KLHL29: variants seen among roughly 807,000 people sequenced by gnomAD.
KLHL29 encodes kelch-like protein 29.
Under a neutral mutation model 80.4 loss-of-function variants are expected in KLHL29, and 21 were observed. The ratio of observed to expected loss-of-function variants is 0.26; its 90% CI spans 0.19 to 0.38. The LOEUF (loss-of-function observed/expected upper bound fraction) is 0.38. Ranked by LOEUF, KLHL29 falls within the 10% of genes least tolerant of loss-of-function variation. KLHL29 has a pLI of 1.00. For missense variants in KLHL29, 867 were observed against 1,223.9 expected (o/e 0.71, Z 4.35); for synonymous variants, 511 against 526.8 (o/e 0.97, Z 0.41).
At chr2:23,603,378 G>T (rs1189101888) in intron 3 of KLHL29, among the ~76,000 whole-genome samples, 1 of 152,142 alleles carries the variant, frequency 6.6e-6, no homozygotes, top group Admixed American at 6.5e-5. Flanking sequence ...GGCAGTCAGG[G>T]CTCTGACAGC....
At chr2:23,615,498 G>GA (rs1246203801) in intron 3 of KLHL29, among the ~76,000 whole-genome samples, 3 of 152,152 alleles carry the variant, frequency 2.0e-5, no homozygotes, top group African/African-American at 7.2e-5. Context: ...TCAGCCTGTA[G>GA]AAAGGGGTGC....
At chr2:23,570,775 C>T (rs1240549635) in intron 3 of KLHL29, among the ~76,000 whole-genome samples, 1 of 152,252 alleles carries the variant, frequency 6.6e-6, no homozygotes, top group Non-Finnish European at 1.5e-5. Context: ...CCCAATTGCT[C>T]ATGCTTTCAG....
intron 1 of KLHL29, among the ~76,000 whole-genome samples, chr2:23,396,701 A>G (rs1227764064): frequency 6.6e-6 from 1 of 152,180 alleles, no homozygotes; most frequent in Non-Finnish European, 1.5e-5. Context: ...AAACTTGAAT[A>G]ATATACAGAC....
rs532183278 is a variant in KLHL29, at chr2:23,385,247, G to GCGCCGCCGC, written c.-681_-673dup. The stretch of plus-strand genomic sequence containing the variant: ...CCGCGCCGCGGCCGCGCCAGCCCCC[G>GCGCCGCCGC]CGCCGCCGCCGCCGTCCCCGCCACC... On this transcript the variant is annotated 5_prime_UTR_variant, in exon 1 of 14. Coordinates refer to ENST00000486442, the MANE Select transcript of KLHL29 (RefSeq NM_052920.2). The GCGCCGCCGC allele has an allele frequency of 6.8e-6, 1 of 147,136 alleles. No homozygotes were observed. Among genetic ancestry groups the GCGCCGCCGC allele is most frequent in the East Asian group, 2.0e-4 (1 of 5,002 alleles). 9.1% of individuals were successfully genotyped at this position (147,136 alleles called of 1,614,324 possible).
At chr2:23,532,520 A>C (rs948621306) in intron 2 of KLHL29, 23 of 455,558 alleles carry the variant, frequency 5.0e-5, no homozygotes, top group African/African-American at 6.0e-5. Context: ...GTGCATCGCC[A>C]AGGTTAGACT....
intron 5 of KLHL29, among the ~76,000 whole-genome samples, chr2:23,659,608 C>A (rs941575233): frequency 6.6e-6 from 1 of 152,156 alleles, no homozygotes; most frequent in African/African-American, 2.4e-5. Context: ...GCTCCCGCTT[C>A]CCCCACCATT....
At chr2:23,558,013 T>G (rs773050996) in intron 2 of KLHL29, among the ~76,000 whole-genome samples, 3 of 152,132 alleles carry the variant, frequency 2.0e-5, no homozygotes, top group African/African-American at 4.8e-5. Context: ...CCTCCAAGGT[T>G]GCCATGACGA....
rs1182532706 is a variant in KLHL29, at chr2:23,457,882, G to A, written c.-153-17678G>A. ...CAAAAAATTAGCCAGGCGTGGTGGC[G>A]GGCACCTGTAATCCCAGCTACTCGG... On this transcript the variant is annotated intron_variant, in intron 1 of 13. Coordinates refer to ENST00000486442, the MANE Select transcript of KLHL29 (RefSeq NM_052920.2). This position sits in a 1 kb window ranked among gnomAD's most constrained non-coding sequence, Gnocchi z 4.3. Among the ~76,000 whole-genome samples, 3 of 152,044 alleles carry A rather than the reference G, an allele frequency of 2.0e-5. No homozygotes were observed. The highest frequency in any genetic ancestry group is 7.2e-5 in the African/African-American group (3 of 41,388).
At chr2:23,532,554 C>A (rs566338709) in intron 2 of KLHL29, 6 of 456,702 alleles carry the variant, frequency 1.3e-5, no homozygotes, top group South Asian at 9.3e-5. Flanking sequence ...ATGTTAAAAT[C>A]TCACTTTCAC....
chr2:23,588,576 G>A (rs763150420), intron 3 of KLHL29, among the ~76,000 whole-genome samples: 2 of 152,204 alleles, frequency 1.3e-5, no homozygotes, highest in African/African-American at 4.8e-5. Flanking sequence ...TTCTTAGACT[G>A]TGGTCTGAGG....
At chr2:23,656,097 A>T (rs945374146) in intron 5 of KLHL29, among the ~76,000 whole-genome samples, 6 of 152,196 alleles carry the variant, frequency 3.9e-5, no homozygotes, top group African/African-American at 1.4e-4. Context: ...GAAAGGGACC[A>T]TCTGTCCCTC....
rs576704196 is a variant in KLHL29, at chr2:23,671,174, A to G, written c.941-13225A>G. On this transcript the variant is annotated intron_variant, in intron 5 of 13. Coordinates refer to ENST00000486442, the MANE Select transcript of KLHL29 (RefSeq NM_052920.2). ...CTGATTGTACTCCTGGCTCTGGTTC[A>G]CTAATTCTTGCAAATCCTTTAAAAC... Among the ~76,000 whole-genome samples, 9 of 151,796 alleles carry G rather than the reference A, an allele frequency of 5.9e-5. No homozygotes were observed. The South Asian group carries it at 1.7e-3, about 28-fold the overall frequency.
chr2:23,387,508 TTATTATTATTATTATTA>T lies in KLHL29; in HGVS notation c.-154+1730_-154+1746del, dbSNP rs1558319610. ...CTTGTCCCACCTCATTCCTGATTTA[TTATTATTATTATTATTA>T]TTATTATTATTATTATTATTATGGA... On this transcript the variant is annotated intron_variant, in intron 1 of 13. Coordinates refer to ENST00000486442, the MANE Select transcript of KLHL29 (RefSeq NM_052920.2). Among the ~76,000 whole-genome samples, 319 of 87,246 alleles carry T rather than the reference TTATTATTATTATTATTA, an allele frequency of 3.7e-3. 4 individuals are homozygous for T. Among genetic ancestry groups the T allele is most frequent in the African/African-American group, 0.013 (281 of 20,932 alleles). The allele number at this position is 87,246 out of a possible 152,430, so 57.2% of individuals were successfully genotyped here.
At chr2:23,449,456 A>G (rs1663804982) in intron 1 of KLHL29, among the ~76,000 whole-genome samples, 1 of 152,168 alleles carries the variant, frequency 6.6e-6, no homozygotes, top group African/African-American at 2.4e-5. Flanking sequence ...CTCATGCATC[A>G]GTGGTCAGCT....
At chr2:23,472,105 C>G (rs1454562948) in intron 1 of KLHL29, among the ~76,000 whole-genome samples, 1 of 137,506 alleles carries the variant, frequency 7.3e-6, no homozygotes, top group East Asian at 2.3e-4. Flanking sequence ...GTCTATTAAG[C>G]CCAGGGTCTA....
intron 3 of KLHL29, among the ~76,000 whole-genome samples, chr2:23,623,169 C>G (rs1448218806): frequency 6.6e-6 from 1 of 152,152 alleles, no homozygotes; most frequent in Non-Finnish European, 1.5e-5. Flanking sequence ...GTGAGGTGGC[C>G]TGGGATGTGC....
At position 23,696,166 on chromosome 2, in the gene KLHL29, C is replaced by T; in HGVS notation, c.1924+33C>T. The T allele has an allele frequency of 6.5e-7, 1 of 1,538,194 alleles. No individual in the cohort carries two copies. Among genetic ancestry groups the T allele is most frequent in the Non-Finnish European group, 8.8e-7 (1 of 1,138,016 alleles). ...CCCCCGGGGTTGGGGCGGGACCAGG[C>T]ATGGGGGTCCCAAGGGGACTGCTCC... On this transcript the variant is annotated intron_variant, in intron 10 of 13. Coordinates refer to ENST00000486442, the MANE Select transcript of KLHL29 (RefSeq NM_052920.2). This position sits in a 1 kb window ranked among gnomAD's most constrained non-coding sequence, Gnocchi z 5.5.
At chr2:23,618,952 G>T (rs1205534939) in intron 3 of KLHL29, among the ~76,000 whole-genome samples, 1 of 152,252 alleles carries the variant, frequency 6.6e-6, no homozygotes. Flanking sequence ...TGAACTGTGT[G>T]AATAGAAATG....
chr2:23,572,764 G>A (rs1183355604), intron 3 of KLHL29, among the ~76,000 whole-genome samples: 1 of 149,832 alleles, frequency 6.7e-6, no homozygotes, highest in African/African-American at 2.5e-5. Flanking sequence ...GCAGTGGCAC[G>A]ATCTCAGCTC....
Sources: gnomAD v4.1 joint callset for allele counts (sites outside exome capture counted in the v4.1 genomes callset) on GRCh38, gnomAD v4.1.1 for gene constraint, Gnocchi (gnomAD v3.1) non-coding constraint, MANE v1.5 for transcripts, NCBI Gene and HGNC (gene_info 2026-07-23, HGNC 2026-07-21) for gene names.